The following EPHA3 variants were observed in gnomAD, a reference collection of about 807,000 sequenced individuals.
The protein encoded by EPHA3 is EPH receptor A3.
In EPHA3, 42 loss-of-function variants were observed where a neutral mutation model predicts 107.1. The observed-to-expected ratio is 0.39, with a 90% CI of 0.31 to 0.51. EPHA3 has a LOEUF of 0.51. Ranked by LOEUF, EPHA3 falls within the 20% of genes least tolerant of loss-of-function variation. EPHA3 has a pLI of 0.78. For missense variants in EPHA3, 1,183 were observed against 1,211.2 expected (o/e 0.98, Z 0.35); for synonymous variants, 461 against 424.8 (o/e 1.09, Z -1.05).
chr3:89,111,384 GT>G (rs1318803306), intron 1 of EPHA3, among the ~76,000 whole-genome samples: 2 of 151,922 alleles, frequency 1.3e-5, no homozygotes, highest in African/African-American at 4.8e-5. Context: ...ATCTTTATAA[GT>G]TTTTTTGGTT....
rs577203349 is a variant in EPHA3 at position 89,157,048 on chromosome 3, T to C, written c.153+29775T>C. 7.9e-5 allele frequency among the ~76,000 whole-genome samples: 12 copies of C among 152,132 alleles called. No homozygotes were observed. The East Asian group carries it at 2.1e-3, about 27-fold the overall frequency. ...GGTGTCTGCCTCTTAATATGTAGCA[T>C]GCAAAAGCTGAAGGAATAAAATAAA... On this transcript the variant is annotated intron_variant, in intron 2 of 16. Transcript: ENST00000336596.
At chr3:89,164,256 C>T (rs1014667855) in intron 2 of EPHA3, among the ~76,000 whole-genome samples, 8 of 152,136 alleles carry the variant, frequency 5.3e-5, no homozygotes, top group African/African-American at 1.2e-4. Context: ...CTAACAATAG[C>T]TAATGAGCTT....
In EPHA3 at chr3:89,308,253, CTG is replaced by C. The variant is rs1019677711; in HGVS notation, c.815-32659_815-32658del. Among the ~76,000 whole-genome samples, 113 of 152,190 alleles carry C rather than the reference CTG, an allele frequency of 7.4e-4. 1 individual carries two copies. Among genetic ancestry groups the C allele is most frequent in the African/African-American group, 2.7e-3 (112 of 41,524 alleles). On this transcript the variant is annotated intron_variant, in intron 3 of 16. Transcript: ENST00000336596. ...CCTACACATGAAAAGTAGTACATAA[CTG>C]TGTATAAGTAAAGCTAAGTTGCATG...
At chr3:89,470,963 A>G (rs984625993) in intron 15 of EPHA3, among the ~76,000 whole-genome samples, 2 of 152,192 alleles carry the variant, frequency 1.3e-5, no homozygotes, top group South Asian at 4.1e-4. Context: ...TTGAGTGCAC[A>G]TGAACGTTTG....
intron 15 of EPHA3, among the ~76,000 whole-genome samples, chr3:89,457,185 C>A (rs1415663088): frequency 6.6e-6 from 1 of 152,052 alleles, no homozygotes; most frequent in African/African-American, 2.4e-5. Flanking sequence ...GGAAGACATG[C>A]AAATAGGTAG....
intron 3 of EPHA3, among the ~76,000 whole-genome samples, chr3:89,301,061 C>T (rs1234194341): frequency 6.6e-6 from 1 of 152,052 alleles, no homozygotes; most frequent in Non-Finnish European, 1.5e-5. Flanking sequence ...TTTCACTTTT[C>T]ATAGTGCTTG....
At chr3:89,362,776 C>A (rs2107460065) in intron 5 of EPHA3, among the ~76,000 whole-genome samples, 1 of 150,810 alleles carries the variant, frequency 6.6e-6, no homozygotes, top group East Asian at 2.0e-4. Context: ...TTGTCCTGCA[C>A]AAAAAATTCA....
At chr3:89,137,116 A>G (rs1052415072) in intron 2 of EPHA3, among the ~76,000 whole-genome samples, 11 of 152,002 alleles carry the variant, frequency 7.2e-5, no homozygotes, top group African/African-American at 2.4e-4. Context: ...AAACATGCAA[A>G]ATAGTGTATG....
intron 5 of EPHA3, among the ~76,000 whole-genome samples, chr3:89,354,275 A>C (rs183478910): frequency 3.3e-5 from 5 of 151,406 alleles, no homozygotes; most frequent in Admixed American, 6.6e-5. Flanking sequence ...AAATTTAATA[A>C]ATGCAAGTAT....
intron 15 of EPHA3, among the ~76,000 whole-genome samples, chr3:89,471,526 G>A (rs1005998723): frequency 1.2e-4 from 18 of 151,988 alleles, no homozygotes; most frequent in Admixed American, 4.6e-4. Context: ...GTGCCACCAT[G>A]GCTAATTTGG....
rs866045138 is a variant in EPHA3, at chr3:89,460,096, A to G, written c.2690+9726A>G. On this transcript the variant is annotated intron_variant, in intron 15 of 16. Coordinates refer to ENST00000336596, the MANE Select transcript of EPHA3 (RefSeq NM_005233.6). ...AGAATGTGTTTCTATTCAAGTAGTA[A>G]GATACCCTTTTTATTTTTGAAGATA... Among the ~76,000 whole-genome samples the G allele has an allele frequency of 2.7e-4, 41 of 152,242 alleles. 1 individual carries two copies. The Middle Eastern group carries it at 0.01, about 38-fold the overall frequency.
chr3:89,413,196 C>A lies in EPHA3; in HGVS notation c.1818C>A (p.Thr606=). Reference sequence around the variant, plus strand: ...ACCCACATACATATGAAGACCCTACCCAAGCTGTTCATGAGTTTGCCAAGG... The same window carrying A: ...ACCCACATACATATGAAGACCCTACACAAGCTGTTCATGAGTTTGCCAAGG... ...YVDPHTYEDP[T]QAVHEFAKEL... The change falls in exon 10 of 17, where the codon ACC becomes ACA. Residue 606 remains threonine (T), a synonymous_variant. Transcript: ENST00000336596. 1 of 1,611,878 alleles carries A rather than the reference C, an allele frequency of 6.2e-7. No individual in the cohort carries two copies. Among genetic ancestry groups the A allele is most frequent in the South Asian group, 1.1e-5 (1 of 91,048 alleles).
intron 7 of EPHA3, chr3:89,400,188 CTTTCTTT>C (rs1708929681): frequency 1.2e-5 from 4 of 335,252 alleles, no homozygotes; most frequent in Non-Finnish European, 1.6e-5. Context: ...TTTTTTCTTT[CTTTCTTT>C]TTTTTTTTTT....
chr3:89,243,515 G>A (rs911730125), intron 3 of EPHA3, among the ~76,000 whole-genome samples: 8 of 152,138 alleles, frequency 5.3e-5, no homozygotes, highest in African/African-American at 1.7e-4. Flanking sequence ...GTGATGATGA[G>A]CATTTTTTCA....
chr3:89,265,389 C>T (rs1576275946), intron 3 of EPHA3, among the ~76,000 whole-genome samples: 1 of 152,216 alleles, frequency 6.6e-6, no homozygotes, highest in Admixed American at 6.5e-5. Context: ...ATATAAATAG[C>T]TCTGCGTAGT....
intron 15 of EPHA3, among the ~76,000 whole-genome samples, chr3:89,459,681 C>A (rs1289063538): frequency 6.6e-6 from 1 of 152,090 alleles, no homozygotes; most frequent in Non-Finnish European, 1.5e-5. Context: ...CCCCACCATG[C>A]CTGACTAATG....
chr3:89,254,650 C>A (rs1250784008), intron 3 of EPHA3, among the ~76,000 whole-genome samples: 1 of 152,208 alleles, frequency 6.6e-6, no homozygotes, highest in Non-Finnish European at 1.5e-5. Flanking sequence ...ACCCCACTCC[C>A]TTATCCTTAT....
chr3:89,190,734 A>G (rs1559592793), intron 2 of EPHA3, among the ~76,000 whole-genome samples: 2 of 152,166 alleles, frequency 1.3e-5, no homozygotes, highest in Non-Finnish European at 2.9e-5. Flanking sequence ...GAAACCTTTG[A>G]GATACCACAG....
chr3:89,340,825 A>G lies in EPHA3; in HGVS notation c.815-91A>G, dbSNP rs1707501432. On this transcript the variant is annotated intron_variant, in intron 3 of 16. Coordinates refer to ENST00000336596, the MANE Select transcript of EPHA3 (RefSeq NM_005233.6). ...GGAAAAAACTTGATTTTTATTTATAATAAATTCATATTCGAACTTACTTAA... is the reference window on the plus strand; with the variant it reads ...GGAAAAAACTTGATTTTTATTTATAGTAAATTCATATTCGAACTTACTTAA... 11 of 1,282,072 alleles carry G rather than the reference A, an allele frequency of 8.6e-6. No individual in the cohort carries two copies. In the South Asian group the frequency reaches 2.1e-4, roughly 25 times the overall value. The allele number at this position is 1,282,072 out of a possible 1,614,324, so 79.4% of individuals were successfully genotyped here.
Sources: allele counts gnomAD v4.1 joint callset (sites outside exome capture counted in the v4.1 genomes callset), GRCh38; gene constraint gnomAD v4.1.1; transcripts MANE v1.5; gene names NCBI Gene and HGNC (gene_info 2026-07-23, HGNC 2026-07-21).